RAP1GAP2: variants seen among roughly 807,000 people sequenced by gnomAD.
The protein encoded by RAP1GAP2 is rap1 GTPase-activating protein 2.
RAP1GAP2 carries 27 observed loss-of-function variants against 95.0 expected under a neutral mutation model. That is an observed-to-expected ratio of 0.28 (90% CI 0.21 to 0.39). RAP1GAP2 has a LOEUF of 0.39. RAP1GAP2 is among the 10% of genes least tolerant of loss of function. The pLI is 1.00. For synonymous variants in RAP1GAP2, 373 were observed against 380.9 expected, an observed-to-expected ratio of 0.98 and a Z score of 0.24; for missense variants, 771 against 970.0, an observed-to-expected ratio of 0.79 and a Z score of 2.72.
chr17:2,967,184 C>T (rs1822411), intron 8 of RAP1GAP2, among the ~76,000 whole-genome samples: 89,348 of 151,314 alleles, frequency 0.59, 26,575 homozygotes, highest in Admixed American at 0.71. Context: ...CTGGCTAACA[C>T]GGTGAAACCC....
Position 2,864,628 on chromosome 17 carries a change from T to G in RAP1GAP2, c.81-40656T>G, listed in dbSNP as rs578014907. On this transcript the variant is annotated intron_variant, in intron 2 of 24. Transcript: ENST00000254695. The stretch of plus-strand genomic sequence containing the variant: ...GCAGGAGGCTGGGGGTTGGGAGCTC[T>G]GGGTGTAACCCTGTGAACACAGAGG... 3.3e-5 allele frequency among the ~76,000 whole-genome samples: 5 copies of G among 152,306 alleles called. No individual in the cohort carries two copies. In the East Asian group the frequency reaches 7.7e-4, roughly 24 times the overall value.
intron 2 of RAP1GAP2, among the ~76,000 whole-genome samples, chr17:2,840,090 C>T (rs1294225630): frequency 6.6e-6 from 1 of 151,960 alleles, no homozygotes; most frequent in East Asian, 1.9e-4. Context: ...TTGATGTTGG[C>T]CTTGGTCACC....
intron 3 of RAP1GAP2, among the ~76,000 whole-genome samples, chr17:2,947,402 G>A (rs953604029): frequency 6.6e-6 from 1 of 152,030 alleles, no homozygotes. Flanking sequence ...GCTGTTAATA[G>A]CAGTAACACT....
chr17:2,870,022 C>T lies in RAP1GAP2; in HGVS notation c.81-35262C>T, dbSNP rs1023145027. Among the ~76,000 whole-genome samples, 1 of 146,886 alleles carries T rather than the reference C, an allele frequency of 6.8e-6. No individual in the cohort carries two copies. The highest frequency in any genetic ancestry group is 2.7e-5 in the African/African-American group (1 of 36,508). ...AGCTACTCCAGGGTGCGTTGACCTG[C>T]AGAGCAGGCCTCAGGGGTGGGAATC... On this transcript the variant is annotated intron_variant, in intron 2 of 24. Transcript: ENST00000254695. The surrounding 1 kb of genome is among the most constrained non-coding windows in gnomAD (Gnocchi z 4.4).
At chr17:3,022,702 T>C (rs1347013046) in intron 19 of RAP1GAP2, among the ~76,000 whole-genome samples, 1 of 152,238 alleles carries the variant, frequency 6.6e-6, no homozygotes, top group Non-Finnish European at 1.5e-5. Context: ...CTTGGTTGAT[T>C]GTTTCCTTTG....
At chr17:2,772,715 G>A (rs564749853), upstream of RAP1GAP2, among the ~76,000 whole-genome samples, 5 of 152,140 alleles carry the variant, frequency 3.3e-5, no homozygotes, top group South Asian at 1.0e-3. Flanking sequence ...TTTCAGATGA[G>A]GAAACTGAGG....
In RAP1GAP2 at chr17:2,980,273, C is replaced by T. The variant is rs57083509; in HGVS notation, c.597-14C>T. The T allele has an allele frequency of 1.3e-3, 2,131 of 1,613,108 alleles. 34 individuals are homozygous for T. The African/African-American group carries it at 0.025, about 19-fold the overall frequency. On this transcript the variant is annotated splice_polypyrimidine_tract_variant and intron_variant, in intron 8 of 24. Coordinates refer to ENST00000254695, the MANE Select transcript of RAP1GAP2 (RefSeq NM_015085.5). ...GTTTCTTAGGGATGTCCTTTTTTCT[C>T]CCGTCTTGTGCAGGTCCAAACTGAA...
At chr17:2,910,596 G>T (rs1478770626) in intron 3 of RAP1GAP2, among the ~76,000 whole-genome samples, 1 of 152,148 alleles carries the variant, frequency 6.6e-6, no homozygotes, top group Admixed American at 6.5e-5. Flanking sequence ...GATTAGCTTG[G>T]GAGTCACAGA....
At chr17:2,927,439 C>G (rs1043678172) in intron 3 of RAP1GAP2, among the ~76,000 whole-genome samples, 7 of 152,200 alleles carry the variant, frequency 4.6e-5, no homozygotes, top group African/African-American at 1.4e-4. Flanking sequence ...AGGCGTGAGC[C>G]ACCGCGCCCG....
At position 3,029,501 on chromosome 17, in the gene RAP1GAP2, G is replaced by A. The variant is rs1449851760; in HGVS notation, c.2108-1421G>A. ...TTTGGCTGAGTCTGGGGAGAGGCAG[G>A]GTGGAGTGGGGAGAGGTGGCCTGAC... On this transcript the variant is annotated intron_variant, in intron 22 of 24. Coordinates refer to ENST00000254695, the MANE Select transcript of RAP1GAP2 (RefSeq NM_015085.5). This position sits in a 1 kb window ranked among gnomAD's most constrained non-coding sequence, Gnocchi z 4.4. Among the ~76,000 whole-genome samples the A allele has an allele frequency of 6.6e-6, 1 of 152,130 alleles. No individual in the cohort carries two copies. The highest frequency in any genetic ancestry group is 1.5e-5 in the Non-Finnish European group (1 of 68,030).
At chr17:3,010,196 C>T (rs1366280067) in intron 17 of RAP1GAP2, among the ~76,000 whole-genome samples, 7 of 151,784 alleles carry the variant, frequency 4.6e-5, no homozygotes, top group African/African-American at 1.2e-4. Context: ...AAAAATTAGC[C>T]GGGCGTGGTG....
In RAP1GAP2 at chr17:3,005,379, C is replaced by G; in HGVS notation, c.1211C>G (p.Thr404Ser). The change falls in exon 15 of 25, where the codon ACT (threonine) becomes AGT (serine). Residue 404 changes from threonine (T) to serine (S), a missense_variant. By Grantham distance (58) the Thr-to-Ser change is moderately conservative. Coordinates refer to ENST00000254695, the MANE Select transcript of RAP1GAP2 (RefSeq NM_015085.5). This position sits in a 1 kb window ranked among gnomAD's most constrained non-coding sequence, Gnocchi z 5.2. ...TETPSYKVSV[T>S]AREDVPTFGP... ...CTCTGTTTCACTCAGGTCTCTGTCA[C>G]TGCGCGGGAAGATGTGCCCACCTTT... The G allele has an allele frequency of 6.2e-7, 1 of 1,613,890 alleles. No individual in the cohort carries two copies. The highest frequency in any genetic ancestry group is 8.5e-7 in the Non-Finnish European group (1 of 1,179,798).
chr17:2,933,327 G>A (rs1435535773), intron 3 of RAP1GAP2, among the ~76,000 whole-genome samples: 1 of 152,140 alleles, frequency 6.6e-6, no homozygotes, highest in Non-Finnish European at 1.5e-5. Context: ...AACCTTGCCT[G>A]GGGGGCAGAG....
chr17:2,976,416 A>G (rs990394976), intron 8 of RAP1GAP2, among the ~76,000 whole-genome samples: 1 of 152,220 alleles, frequency 6.6e-6, no homozygotes, highest in African/African-American at 2.4e-5. Context: ...GAGGGGAAAA[A>G]ATCTCATATT....
intron 2 of RAP1GAP2, among the ~76,000 whole-genome samples, chr17:2,897,305 T>G (rs2041865248): frequency 6.6e-6 from 1 of 151,956 alleles, no homozygotes; most frequent in Non-Finnish European, 1.5e-5. Context: ...GCCATTGCAC[T>G]CCAACCTGGG....
At chr17:2,884,951 A>T (rs1303452286) in intron 2 of RAP1GAP2, among the ~76,000 whole-genome samples, 1 of 150,682 alleles carries the variant, frequency 6.6e-6, no homozygotes, top group African/African-American at 2.4e-5. Flanking sequence ...GGCTACATGG[A>T]GATGGTCAAG....
chr17:2,888,149 C>T (rs1056911192), intron 2 of RAP1GAP2, among the ~76,000 whole-genome samples: 9 of 152,142 alleles, frequency 5.9e-5, no homozygotes, highest in African/African-American at 2.2e-4. Flanking sequence ...CTAATTGACA[C>T]ATAATAATTA....
chr17:2,927,327 G>C (rs947203869), intron 3 of RAP1GAP2, among the ~76,000 whole-genome samples: 3 of 151,516 alleles, frequency 2.0e-5, no homozygotes, highest in Non-Finnish European at 4.4e-5. Flanking sequence ...CTAATTTTTT[G>C]TATTTTTAGT....
chr17:3,025,976 C>G (rs746369572), intron 19 of RAP1GAP2, 32 bp from the exon 20 acceptor site: 4 of 1,520,442 alleles, frequency 2.6e-6, no homozygotes, highest in African/African-American at 2.7e-5. Context: ...GGGCTGTCTC[C>G]GCGGCCTCAC....
Sources: allele counts gnomAD v4.1 joint callset (sites outside exome capture counted in the v4.1 genomes callset), GRCh38; gene constraint gnomAD v4.1.1; non-coding constraint Gnocchi (gnomAD v3.1); transcripts MANE v1.5; gene names NCBI Gene and HGNC (gene_info 2026-07-23, HGNC 2026-07-21).